EYS: variants seen among roughly 807,000 people sequenced by gnomAD.
EYS encodes the protein protein eyes shut homolog.
In EYS, 250 loss-of-function variants were observed where a neutral mutation model predicts 282.1. That is an observed-to-expected ratio of 0.89 (90% CI 0.80 to 0.98). The LOEUF (loss-of-function observed/expected upper bound fraction) is 0.98, where lower values mean the gene tolerates loss of function less well. Ranked by LOEUF, EYS falls within the 50% of genes least tolerant of loss-of-function variation. The pLI is 0.00. For missense variants in EYS, 4,016 were observed against 3,709.0 expected, an observed-to-expected ratio of 1.08 and a Z score of -2.15; for synonymous variants, 1,355 against 1,282.9, an observed-to-expected ratio of 1.06 and a Z score of -1.20.
At chr6:64,392,845 T>G (rs1485693884) in intron 28 of EYS, among the ~76,000 whole-genome samples, 1 of 151,756 alleles carries the variant, frequency 6.6e-6, no homozygotes, top group Non-Finnish European at 1.5e-5. Flanking sequence ...AGGAGCTGGA[T>G]TTTTGAAAGG....
intron 35 of EYS, among the ~76,000 whole-genome samples, chr6:63,948,140 A>T (rs1230712846): frequency 6.6e-6 from 1 of 152,210 alleles, no homozygotes; most frequent in Non-Finnish European, 1.5e-5. Context: ...AAATGAAAAG[A>T]TCTTGCTTTT....
In EYS at chr6:63,866,761, A is replaced by C. The variant is rs1772680010; in HGVS notation, c.7056-2403T>G. The stretch of plus-strand genomic sequence containing the variant: ...AAAGGGAAGCTCACCATATCTAACC[A>C]AGGGCAAGTGTTCAGAGTCTTCTGG... On this transcript the variant is annotated intron_variant, in intron 35 of 42. Transcript: ENST00000503581. 2.6e-5 allele frequency among the ~76,000 whole-genome samples: 4 copies of C among 152,202 alleles called. No individual in the cohort carries two copies. The South Asian group carries it at 8.3e-4, about 31-fold the overall frequency.
chr6:65,211,990 G>A (rs1766187564), intron 12 of EYS, among the ~76,000 whole-genome samples: 1 of 151,658 alleles, frequency 6.6e-6, no homozygotes, highest in Non-Finnish European at 1.5e-5. Flanking sequence ...GTACAAAATT[G>A]AACACCACTG....
At chr6:64,798,913 C>T (rs74808733) in intron 22 of EYS, among the ~76,000 whole-genome samples, 2,824 of 151,946 alleles carry the variant, frequency 0.019, 76 homozygotes, top group African/African-American at 0.062. Context: ...TGGATCCTAC[C>T]CTGTCTTCTC....
chr6:65,548,209 C>A (rs1399512153), intron 2 of EYS, among the ~76,000 whole-genome samples: 2 of 102,496 alleles, frequency 2.0e-5, no homozygotes, highest in Non-Finnish European at 3.7e-5. Flanking sequence ...ATACTTAATG[C>A]AGAATTTATT....
chr6:65,358,487 G>A (rs978542043), intron 8 of EYS, among the ~76,000 whole-genome samples: 4 of 151,922 alleles, frequency 2.6e-5, no homozygotes, highest in South Asian at 2.1e-4. Context: ...TTTCCTAAGC[G>A]TTGATTATAA....
intron 30 of EYS, among the ~76,000 whole-genome samples, chr6:64,258,520 C>T (rs554868464): frequency 6.6e-6 from 1 of 151,984 alleles, no homozygotes; most frequent in Non-Finnish European, 1.5e-5. Flanking sequence ...AAGTGTGACC[C>T]TTGAATCTTG....
chr6:65,507,246 T>G (rs1766693460), intron 2 of EYS, among the ~76,000 whole-genome samples: 1 of 152,178 alleles, frequency 6.6e-6, no homozygotes, highest in Non-Finnish European at 1.5e-5. Flanking sequence ...ATCATTGCAC[T>G]CTTCTCATTT....
intron 35 of EYS, among the ~76,000 whole-genome samples, chr6:63,937,650 G>A (rs181768290): frequency 6.6e-6 from 1 of 151,612 alleles, no homozygotes; most frequent in Non-Finnish European, 1.5e-5. Flanking sequence ...CAAAGGGCTG[G>A]GATTATAGGC....
intron 29 of EYS, among the ~76,000 whole-genome samples, chr6:64,378,182 G>A (rs997046603): frequency 6.6e-5 from 10 of 151,938 alleles, no homozygotes; most frequent in African/African-American, 2.4e-4. Flanking sequence ...CAACATCAGT[G>A]ACAGTGAAGA....
intron 12 of EYS, among the ~76,000 whole-genome samples, chr6:65,097,843 G>A (rs894189427): frequency 6.6e-6 from 1 of 150,656 alleles, no homozygotes; most frequent in Non-Finnish European, 1.5e-5. Context: ...TCAGATACTG[G>A]GTAGAAGGGA....
intron 12 of EYS, among the ~76,000 whole-genome samples, chr6:65,135,433 A>T (rs926383439): frequency 6.6e-6 from 1 of 152,012 alleles, no homozygotes; most frequent in Non-Finnish European, 1.5e-5. Context: ...GAGATAGAAG[A>T]CCTGTAGTTT....
In EYS at chr6:65,100,380, AAG is replaced by A. The variant is rs563396377; in HGVS notation, c.2024-42655_2024-42654del. On this transcript the variant is annotated intron_variant, in intron 12 of 42. Transcript: ENST00000503581. The stretch of plus-strand genomic sequence containing the variant: ...AAGTTTTTTTAATGAAGAACAAAAA[AAG>A]AGTCATAAGGCATTCTAAGATGAAT... Among the ~76,000 whole-genome samples the A allele has an allele frequency of 2.5e-4, 37 of 150,882 alleles. 1 individual carries two copies. In the South Asian group the frequency reaches 7.5e-3, roughly 31 times the overall value.
At chr6:63,898,562 A>T (rs1369760930) in intron 35 of EYS, among the ~76,000 whole-genome samples, 1 of 151,998 alleles carries the variant, frequency 6.6e-6, no homozygotes. Context: ...AAAATCAGGG[A>T]TAATATTCTT....
intron 41 of EYS, among the ~76,000 whole-genome samples, chr6:63,731,455 T>C (rs912196025): frequency 3.9e-5 from 6 of 152,204 alleles, no homozygotes; most frequent in African/African-American, 1.4e-4. Flanking sequence ...CTCATATTTG[T>C]CATTTTTCTT....
intron 12 of EYS, among the ~76,000 whole-genome samples, chr6:65,236,673 G>A (rs1403847326): frequency 6.6e-6 from 1 of 151,996 alleles, no homozygotes; most frequent in Non-Finnish European, 1.5e-5. Flanking sequence ...CCAAATATAT[G>A]CTTATAACAC....
chr6:64,122,761 G>A (rs956579046), intron 31 of EYS, among the ~76,000 whole-genome samples: 3 of 151,258 alleles, frequency 2.0e-5, no homozygotes, highest in African/African-American at 7.4e-5. Context: ...ATACTGTAAA[G>A]ATTAATTCTT....
At chr6:65,277,662 A>C (rs1176074290) in intron 12 of EYS, among the ~76,000 whole-genome samples, 1 of 152,090 alleles carries the variant, frequency 6.6e-6, no homozygotes, top group Non-Finnish European at 1.5e-5. Flanking sequence ...ATGAAACCAA[A>C]CTGACTTATC....
Position 64,330,257 on chromosome 6 carries a change from C to T in EYS, c.6079-23175G>A, listed in dbSNP as rs185096891. On this transcript the variant is annotated intron_variant, in intron 29 of 42. Coordinates refer to ENST00000503581, the MANE Select transcript of EYS (RefSeq NM_001142800.2). ...TGGCTTTAACATCTCTCAAGGGCAG[C>T]GTGAGCTCGGACATGAGTGAAAAGA... 9.9e-5 allele frequency among the ~76,000 whole-genome samples: 15 copies of T among 152,256 alleles called. No individual in the cohort carries two copies. The East Asian group carries it at 2.5e-3, about 26-fold the overall frequency.
Sources: allele counts gnomAD v4.1 joint callset (sites outside exome capture counted in the v4.1 genomes callset), GRCh38; gene constraint gnomAD v4.1.1; transcripts MANE v1.5; gene names NCBI Gene and HGNC (gene_info 2026-07-23, HGNC 2026-07-21).